Variants in PRKG1 observed in about 807,000 individuals in gnomAD.
PRKG1 encodes cGMP-dependent protein kinase 1.
In PRKG1, 35 loss-of-function variants were observed where a neutral mutation model predicts 88.1. That is an observed-to-expected ratio of 0.40 (90% CI 0.30 to 0.53). The LOEUF (loss-of-function observed/expected upper bound fraction) is 0.53. Ranked by LOEUF, PRKG1 falls within the 20% of genes least tolerant of loss-of-function variation. The pLI is 0.59. For missense variants in PRKG1, 540 were observed against 839.8 expected (o/e 0.64, Z 4.41); for synonymous variants, 303 against 292.5 (o/e 1.04, Z -0.37).
chr10:51,520,600 A>G (rs1841710731), intron 3 of PRKG1, among the ~76,000 whole-genome samples: 1 of 152,144 alleles, frequency 6.6e-6, no homozygotes, highest in Non-Finnish European at 1.5e-5. Flanking sequence ...TTAAAACCCA[A>G]GCAAAACTCC....
chr10:51,049,871 CCATATGCATGGCATGGG>C (rs1843539896), intron 1 of PRKG1, among the ~76,000 whole-genome samples: 1 of 151,850 alleles, frequency 6.6e-6, no homozygotes, highest in South Asian at 2.1e-4. Flanking sequence ...CCGAAAGTAC[CCATATGCATGGCATGGG>C]TATTCTAGGT....
At chr10:51,799,973 T>A (rs1489463915) in intron 3 of PRKG1, among the ~76,000 whole-genome samples, 1 of 152,122 alleles carries the variant, frequency 6.6e-6, no homozygotes, top group Non-Finnish European at 1.5e-5. Flanking sequence ...TGATGAATAG[T>A]GATATAATTT....
At chr10:51,066,467 T>C (rs1222276034) in intron 1 of PRKG1, among the ~76,000 whole-genome samples, 1 of 152,098 alleles carries the variant, frequency 6.6e-6, no homozygotes, top group East Asian at 1.9e-4. Context: ...ACGAGAACTG[T>C]GTGTTCTTGT....
intron 3 of PRKG1, among the ~76,000 whole-genome samples, chr10:51,611,212 A>G (rs893653159): frequency 3.3e-5 from 5 of 152,278 alleles, no homozygotes; most frequent in African/African-American, 9.6e-5. Context: ...ACTGTTTTTC[A>G]TAATAGTTGT....
At chr10:51,228,839 A>C (rs1044032442) in intron 2 of PRKG1, among the ~76,000 whole-genome samples, 1 of 152,218 alleles carries the variant, frequency 6.6e-6, no homozygotes, top group African/African-American at 2.4e-5. Flanking sequence ...TCCCCAGACT[A>C]ATAAAGCCCT....
intron 3 of PRKG1, among the ~76,000 whole-genome samples, chr10:51,789,147 G>A (rs1015377653): frequency 1.3e-5 from 2 of 152,170 alleles, no homozygotes; most frequent in African/African-American, 4.8e-5. Context: ...TAGGGATACA[G>A]CCTATCCAAC....
intron 1 of PRKG1, among the ~76,000 whole-genome samples, chr10:51,104,726 ATTT>A (rs1459964772): frequency 5.0e-5 from 7 of 140,616 alleles, no homozygotes; most frequent in Non-Finnish European, 1.1e-4. Flanking sequence ...TTATTTATTT[ATTT>A]ATTTATTTAT....
At chr10:51,683,943 A>T (rs946817209) in intron 3 of PRKG1, among the ~76,000 whole-genome samples, 6 of 152,222 alleles carry the variant, frequency 3.9e-5, no homozygotes, top group African/African-American at 1.4e-4. Context: ...GGGAATGTAA[A>T]ATAGTTTGGT....
At chr10:51,515,878 C>T (rs1272819912) in intron 3 of PRKG1, among the ~76,000 whole-genome samples, 3 of 152,122 alleles carry the variant, frequency 2.0e-5, no homozygotes, top group South Asian at 2.1e-4. Context: ...ATGTGGGCCC[C>T]GTGGCAGTGT....
intron 3 of PRKG1, among the ~76,000 whole-genome samples, chr10:51,508,555 T>TA (rs201289771): frequency 0.052 from 7,786 of 150,200 alleles, 302 homozygotes; most frequent in Middle Eastern, 0.12. Flanking sequence ...TGACTTTTTT[T>TA]AAAAAAAAAA....
chr10:51,655,115 C>A (rs916085412), intron 3 of PRKG1, among the ~76,000 whole-genome samples: 2 of 152,118 alleles, frequency 1.3e-5, no homozygotes, highest in Non-Finnish European at 2.9e-5. Context: ...AGTCCTGGGC[C>A]ACATGCCCAG....
chr10:51,469,328 A>G (rs1215339157), intron 3 of PRKG1, among the ~76,000 whole-genome samples: 1 of 151,846 alleles, frequency 6.6e-6, no homozygotes, highest in African/African-American at 2.4e-5. Context: ...AAATTTTTAA[A>G]TATTTCAGGC....
chr10:51,694,477 T>C (rs1157382554), intron 3 of PRKG1, among the ~76,000 whole-genome samples: 2 of 152,250 alleles, frequency 1.3e-5, no homozygotes, highest in Non-Finnish European at 2.9e-5. Context: ...GCTTATATCT[T>C]ATCAAATACT....
intron 1 of PRKG1, among the ~76,000 whole-genome samples, chr10:51,047,617 CAAAAAAAA>C (rs142049774): frequency 7.9e-6 from 1 of 125,910 alleles, no homozygotes; most frequent in Non-Finnish European, 1.7e-5. Flanking sequence ...TTATTATTTC[CAAAAAAAA>C]AAAAAAAAAA....
intron 3 of PRKG1, among the ~76,000 whole-genome samples, chr10:51,526,774 G>A (rs112994387): frequency 0.011 from 1,716 of 152,098 alleles, 11 homozygotes; most frequent in Admixed American, 0.017. Flanking sequence ...CTACCAGCTC[G>A]GCCATGCTTT....
intron 2 of PRKG1, among the ~76,000 whole-genome samples, chr10:51,344,260 G>T (rs960957048): frequency 6.6e-6 from 1 of 151,956 alleles, no homozygotes; most frequent in Non-Finnish European, 1.5e-5. Context: ...AGAGAGAGCT[G>T]GGGGGGTACC....
At chr10:52,080,196 T>C (rs1236384904) in intron 7 of PRKG1, among the ~76,000 whole-genome samples, 1 of 152,208 alleles carries the variant, frequency 6.6e-6, no homozygotes, top group African/African-American at 2.4e-5. Context: ...CGTATTTAAA[T>C]ATAACATTCC....
In PRKG1 at chr10:51,583,921, A is replaced by G. The variant is rs116933289; in HGVS notation, c.592+116085A>G. 3.9e-3 allele frequency among the ~76,000 whole-genome samples: 597 copies of G among 152,172 alleles called. 4 individuals are homozygous for G. The highest frequency in any genetic ancestry group is 6.7e-3 in the Non-Finnish European group (452 of 67,960). On this transcript the variant is annotated intron_variant, in intron 3 of 17. Coordinates refer to ENST00000373980, the MANE Select transcript of PRKG1 (RefSeq NM_006258.4). ...ACTCTCTTTTTTGAATTGTGAATCA[A>G]TTCTGTTGAGCTAAGGCTTTGCAAA... is the stretch of plus-strand genomic sequence containing the variant.
At chr10:51,710,989 G>A (rs746373070) in intron 3 of PRKG1, among the ~76,000 whole-genome samples, 6 of 152,180 alleles carry the variant, frequency 3.9e-5, no homozygotes, top group East Asian at 3.9e-4. Context: ...GAGCCACTGC[G>A]CCCAGCCAGT....
Sources: gnomAD v4.1 joint callset for allele counts (sites outside exome capture counted in the v4.1 genomes callset) on GRCh38, gnomAD v4.1.1 for gene constraint, MANE v1.5 for transcripts, NCBI Gene and HGNC (gene_info 2026-07-23, HGNC 2026-07-21) for gene names.